Variants in HSD17B4 observed in about 807,000 individuals in gnomAD.
The protein encoded by HSD17B4 is peroxisomal multifunctional enzyme type 2.
In HSD17B4, 70 loss-of-function variants were observed where a neutral mutation model predicts 101.0. The ratio of observed to expected loss-of-function variants is 0.69; its 90% CI spans 0.57 to 0.85. The LOEUF (loss-of-function observed/expected upper bound fraction) is 0.85, where lower values mean the gene tolerates loss of function less well. Ranked by LOEUF, HSD17B4 falls within the 40% of genes least tolerant of loss-of-function variation. The pLI, the probability that HSD17B4 is intolerant of heterozygous loss-of-function variation, is 0.00. For synonymous variants in HSD17B4, 347 were observed against 297.1 expected (o/e 1.17, Z -1.73); for missense variants, 984 against 892.4 (o/e 1.10, Z -1.31).
At position 119,452,958 on chromosome 5, in the gene HSD17B4, C is replaced by G. The variant is rs1754218552; in HGVS notation, c.58+325C>G. On this transcript the variant is annotated intron_variant, in intron 1 of 23. Transcript: ENST00000510025. ...CCTTATCTGTGGGCATCGATTGTTA[C>G]TCTTCCTGCAATTAACTCTCTTAGA... The G allele has an allele frequency of 6.0e-6, 6 of 1,006,542 alleles. No individual in the cohort carries two copies. The East Asian group carries it at 7.8e-5, about 13-fold the overall frequency. The allele number at this position is 1,006,542 out of a possible 1,614,324, so 62.4% of individuals were successfully genotyped here. A position where few individuals can be genotyped will look rare whatever the true frequency, so the allele number is the denominator to read the frequency against.
At chr5:119,536,396 A>G (rs1056610730) in intron 22 of HSD17B4, 27 bp from the exon 23 acceptor site, 38 of 1,606,846 alleles carry the variant, frequency 2.4e-5, no homozygotes, top group Non-Finnish European at 3.1e-5. Flanking sequence ...AAAAAGATAC[A>G]CATTGGTTTC....
intron 14 of HSD17B4, among the ~76,000 whole-genome samples, chr5:119,505,460 C>T (rs1479516654): frequency 6.6e-6 from 1 of 152,044 alleles, no homozygotes. Context: ...GACCTTACAC[C>T]ACCTTGATTA....
At chr5:119,489,333 A>G (rs1406074198) in intron 9 of HSD17B4, 50 bp downstream of exon 9, 1 of 1,179,344 alleles carries the variant, frequency 8.5e-7, no homozygotes, top group Non-Finnish European at 1.3e-6. Flanking sequence ...AGTTGCTTAC[A>G]TTTGTAAAAA....
At chr5:119,472,833 T>C (rs1300127257) in intron 2 of HSD17B4, among the ~76,000 whole-genome samples, 1 of 152,190 alleles carries the variant, frequency 6.6e-6, no homozygotes, top group Non-Finnish European at 1.5e-5. Context: ...ATTCTATGAG[T>C]TTTGATATTT....
intron 22 of HSD17B4, among the ~76,000 whole-genome samples, chr5:119,535,469 A>T (rs1754454633): frequency 6.6e-6 from 1 of 151,808 alleles, no homozygotes; most frequent in Non-Finnish European, 1.5e-5. Context: ...CCCAATTTTG[A>T]GATATTTGAA....
At chr5:119,519,681 C>T (rs1752945299) in intron 17 of HSD17B4, among the ~76,000 whole-genome samples, 1 of 152,316 alleles carries the variant, frequency 6.6e-6, no homozygotes, top group Non-Finnish European at 1.5e-5. Flanking sequence ...GTCATATTTC[C>T]TGGAGTATTC....
At chr5:119,476,507 A>C (rs1748597922) in intron 6 of HSD17B4, 1 of 958,478 alleles carries the variant, frequency 1.0e-6, no homozygotes, top group Non-Finnish European at 1.2e-6. Flanking sequence ...GAGGTGAAAC[A>C]ATTGTATCAT....
chr5:119,490,977 G>A (rs950579124), intron 9 of HSD17B4, among the ~76,000 whole-genome samples: 1 of 152,136 alleles, frequency 6.6e-6, no homozygotes, highest in Non-Finnish European at 1.5e-5. Flanking sequence ...TTTTTAGTGA[G>A]GAACATTTAG....
At chr5:119,503,203 A>G (rs1366260421) in intron 14 of HSD17B4, among the ~76,000 whole-genome samples, 2 of 151,484 alleles carry the variant, frequency 1.3e-5, no homozygotes, top group African/African-American at 4.9e-5. Context: ...ACCCAGCCCT[A>G]TGGGTCCACT....
intron 2 of HSD17B4, among the ~76,000 whole-genome samples, chr5:119,462,874 C>G (rs1755405087): frequency 6.6e-6 from 1 of 152,156 alleles, no homozygotes. Context: ...ATCCTCTCTT[C>G]TAGCTATTTG....
At chr5:119,536,578 A>G (rs774373658) in intron 23 of HSD17B4, 28 bp downstream of exon 23, 2 of 1,606,488 alleles carry the variant, frequency 1.2e-6, no homozygotes, top group East Asian at 2.2e-5. Context: ...TCATTTATTC[A>G]TTGTTTTATT....
In HSD17B4 at chr5:119,498,866, C is replaced by T. The variant is rs185858534; in HGVS notation, c.973-451C>T. On this transcript the variant is annotated intron_variant, in intron 12 of 23. Transcript: ENST00000510025. ...CTGCACTCCAGCTTGGGCGAGAGAG[C>T]GAGACTCCATCTCAAAACAAACAAA... is the stretch of plus-strand genomic sequence containing the variant. Among the ~76,000 whole-genome samples, 40 of 152,212 alleles carry T rather than the reference C, an allele frequency of 2.6e-4. No homozygotes were observed. In the East Asian group the frequency reaches 6.7e-3, roughly 26 times the overall value.
intron 14 of HSD17B4, among the ~76,000 whole-genome samples, chr5:119,504,881 A>G (rs1334068984): frequency 6.6e-6 from 1 of 152,162 alleles, no homozygotes; most frequent in African/African-American, 2.4e-5. Context: ...TAATACTTTG[A>G]GGTCTTACAT....
chr5:119,460,299 T>C (rs1458473766), intron 2 of HSD17B4, among the ~76,000 whole-genome samples: 1 of 152,242 alleles, frequency 6.6e-6, no homozygotes, highest in Non-Finnish European at 1.5e-5. Context: ...ACGGTAAGTA[T>C]AGTACTTAGT....
At chr5:119,508,507 A>T (rs1751869878) in intron 15 of HSD17B4, among the ~76,000 whole-genome samples, 1 of 152,250 alleles carries the variant, frequency 6.6e-6, no homozygotes, top group Non-Finnish European at 1.5e-5. Flanking sequence ...TGAAACAGAT[A>T]ATAATCTGTC....
chr5:119,520,407 AC>A (rs1753008634), intron 17 of HSD17B4, among the ~76,000 whole-genome samples: 1 of 151,710 alleles, frequency 6.6e-6, no homozygotes, highest in Non-Finnish European at 1.5e-5. Flanking sequence ...CCTCAGTGAG[AC>A]CCCCATTTAG....
intron 17 of HSD17B4, among the ~76,000 whole-genome samples, chr5:119,521,327 G>C (rs182130886): frequency 6.6e-6 from 1 of 152,274 alleles, no homozygotes; most frequent in Non-Finnish European, 1.5e-5. Context: ...CGTTTTTAAA[G>C]TCTAATGGTT....
chr5:119,540,337 A>G (rs1257662393), intron 23 of HSD17B4, among the ~76,000 whole-genome samples: 1 of 147,166 alleles, frequency 6.8e-6, no homozygotes, highest in African/African-American at 2.7e-5. Flanking sequence ...TGTCCGGTGC[A>G]TGGCAGTGCA....
At chr5:119,512,355 A>G (rs1033723067) in intron 16 of HSD17B4, among the ~76,000 whole-genome samples, 1 of 152,192 alleles carries the variant, frequency 6.6e-6, no homozygotes, top group Non-Finnish European at 1.5e-5. Context: ...TCAACTCCAA[A>G]TAGATTATAT....
Sources: gnomAD v4.1 joint callset for allele counts (sites outside exome capture counted in the v4.1 genomes callset) on GRCh38, gnomAD v4.1.1 for gene constraint, MANE v1.5 for transcripts, NCBI Gene and HGNC (gene_info 2026-07-23, HGNC 2026-07-21) for gene names.